Variants in MYT1L observed in about 807,000 individuals in gnomAD.
MYT1L encodes the protein myelin transcription factor 1 like, also known as myelin transcription factor 1-like protein.
In MYT1L, 12 loss-of-function variants were observed where a neutral mutation model predicts 126.7. That is an observed-to-expected ratio of 0.09 (90% CI 0.06 to 0.15). The LOEUF (loss-of-function observed/expected upper bound fraction) is 0.15, where lower values mean the gene tolerates loss of function less well. Ranked by LOEUF, MYT1L falls within the 10% of genes least tolerant of loss-of-function variation. MYT1L has a pLI of 1.00. For synonymous variants in MYT1L, 541 were observed against 604.2 expected, an observed-to-expected ratio of 0.90 and a Z score of 1.53; for missense variants, 979 against 1,585.2, an observed-to-expected ratio of 0.62 and a Z score of 6.49.
At chr2:2,197,748 CAT>C (rs1249488404) in intron 2 of MYT1L, among the ~76,000 whole-genome samples, 1 of 144,924 alleles carries the variant, frequency 6.9e-6, no homozygotes, top group Non-Finnish European at 1.5e-5. Context: ...TATATACACA[CAT>C]GCACACACAC....
At position 1,848,430 on chromosome 2, in the gene MYT1L, T is replaced by C. The variant is rs1030280511; in HGVS notation, c.2774+3211A>G. On this transcript the variant is annotated intron_variant, in intron 19 of 24. Coordinates refer to ENST00000647738, the MANE Select transcript of MYT1L (RefSeq NM_001303052.2). This position sits in a 1 kb window ranked among gnomAD's most constrained non-coding sequence, Gnocchi z 4.8. ...ATCTGTGCTCTGAACAGGTTCAGGA[T>C]CATTGTTTGGTGACTTCCCCTCTCA... Among the ~76,000 whole-genome samples the C allele has an allele frequency of 3.3e-5, 5 of 152,070 alleles. No homozygotes were observed. The highest frequency in any genetic ancestry group is 7.3e-5 in the Non-Finnish European group (5 of 68,030).
intron 1 of MYT1L, among the ~76,000 whole-genome samples, chr2:2,327,919 C>T (rs1014709447): frequency 2.6e-5 from 4 of 152,044 alleles, no homozygotes; most frequent in African/African-American, 9.7e-5. Flanking sequence ...CAAAGTCTTT[C>T]AGATTGTATA....
intron 18 of MYT1L, among the ~76,000 whole-genome samples, chr2:1,859,925 G>C (rs1425803833): frequency 6.6e-6 from 1 of 152,224 alleles, no homozygotes; most frequent in African/African-American, 2.4e-5. Context: ...TTGTTTTCTG[G>C]GGATTCTCTC....
chr2:1,969,429 A>G (rs1246283671), intron 8 of MYT1L, among the ~76,000 whole-genome samples: 4 of 152,212 alleles, frequency 2.6e-5, no homozygotes, highest in African/African-American at 9.6e-5. Flanking sequence ...GTTGGCCACG[A>G]TTCTCAAACT....
intron 3 of MYT1L, among the ~76,000 whole-genome samples, chr2:2,159,538 C>T (rs1013120276): frequency 8.6e-5 from 13 of 152,026 alleles, no homozygotes; most frequent in African/African-American, 2.9e-4. Context: ...CTGCTGAGCG[C>T]GGGCTGTGTT....
chr2:1,936,956 G>T (rs531879606), intron 9 of MYT1L, among the ~76,000 whole-genome samples: 1 of 152,152 alleles, frequency 6.6e-6, no homozygotes, highest in Non-Finnish European at 1.5e-5. Context: ...CATGAGAAAA[G>T]AAATGTTTCT....
Position 1,922,763 on chromosome 2 carries a change from C to G in MYT1L, c.1006G>C (p.Asp336His), listed in dbSNP as rs951762938. ...GTCTCACTGAGCTTCCTGGCCAGGT[C>G]GAAGCACTGATTCCTCAAACACTCC... is the stretch of plus-strand genomic sequence containing the variant. The part of the protein sequence containing the change: ...SLECLRNQCF[D>H]LARKLSETNP... The change falls in exon 10 of 25, where the codon GAC becomes CAC. Residue 336 changes from aspartate (D) to histidine (H), a missense_variant. Physicochemically the swap from Asp to His is moderately conservative, Grantham distance 81 (BLOSUM62 -1). Transcript: ENST00000647738. The surrounding 1 kb of genome is among the most constrained non-coding windows in gnomAD (Gnocchi z 7.4). 2 of 1,613,926 alleles carry G rather than the reference C, an allele frequency of 1.2e-6. No individual in the cohort carries two copies. The highest frequency in any genetic ancestry group is 1.7e-6 in the Non-Finnish European group (2 of 1,179,888).
intron 21 of MYT1L, among the ~76,000 whole-genome samples, chr2:1,824,235 C>G (rs2038983634): frequency 6.6e-6 from 1 of 152,206 alleles, no homozygotes; most frequent in Non-Finnish European, 1.5e-5. Flanking sequence ...TGACCCCAAC[C>G]AATTCTTCCA....
chr2:1,866,579 GAGGC>G (rs2045519165), intron 18 of MYT1L, among the ~76,000 whole-genome samples: 4 of 133,284 alleles, frequency 3.0e-5, no homozygotes, highest in African/African-American at 5.8e-5. Context: ...GAGAGAGAGA[GAGGC>G]AGGCAGAGAG....
intron 8 of MYT1L, among the ~76,000 whole-genome samples, chr2:1,949,134 C>G (rs2057502131): frequency 1.3e-5 from 2 of 152,118 alleles, no homozygotes; most frequent in South Asian, 4.1e-4. Context: ...ATTCTCAATG[C>G]AGAAGCAAGG....
chr2:1,876,637 C>T (rs2046952171), intron 18 of MYT1L, among the ~76,000 whole-genome samples: 1 of 152,162 alleles, frequency 6.6e-6, no homozygotes, highest in African/African-American at 2.4e-5. Context: ...TGCGTGCCGC[C>T]ATTGAAACCT....
intron 18 of MYT1L, among the ~76,000 whole-genome samples, chr2:1,854,388 C>G (rs928916144): frequency 6.6e-6 from 1 of 152,076 alleles, no homozygotes; most frequent in African/African-American, 2.4e-5. Context: ...GGGCTCTACC[C>G]AAGTCCGCTA....
At chr2:1,862,724 G>T (rs1415895064) in intron 18 of MYT1L, among the ~76,000 whole-genome samples, 2 of 152,194 alleles carry the variant, frequency 1.3e-5, no homozygotes, top group African/African-American at 4.8e-5. Flanking sequence ...GCCAAAGAGG[G>T]CAGAGAGAGA....
chr2:2,310,573 C>T (rs1480302843), intron 1 of MYT1L, among the ~76,000 whole-genome samples: 2 of 152,196 alleles, frequency 1.3e-5, no homozygotes, highest in South Asian at 2.1e-4. Context: ...AGCTTTTGTA[C>T]TATAATTAGC....
At chr2:2,004,215 T>C (rs1331235997) in intron 4 of MYT1L, among the ~76,000 whole-genome samples, 1 of 139,738 alleles carries the variant, frequency 7.2e-6, no homozygotes, top group Non-Finnish European at 1.6e-5. Flanking sequence ...GAATGTGTTC[T>C]TTCCTGCAGG....
intron 3 of MYT1L, among the ~76,000 whole-genome samples, chr2:2,143,910 C>T (rs183920334): frequency 1.5e-3 from 219 of 150,596 alleles, no homozygotes; most frequent in Non-Finnish European, 2.0e-3. Context: ...GAATGAAACA[C>T]CGGATACTCG....
At chr2:2,053,797 T>C (rs1322615109) in intron 4 of MYT1L, among the ~76,000 whole-genome samples, 181 bp downstream of exon 4, 2 of 152,250 alleles carry the variant, frequency 1.3e-5, no homozygotes, top group Admixed American at 6.5e-5. Context: ...TTACACATTC[T>C]GACTTTATAT....
intron 18 of MYT1L, among the ~76,000 whole-genome samples, chr2:1,859,300 C>CT (rs1176232957): frequency 6.6e-6 from 1 of 152,164 alleles, no homozygotes; most frequent in Non-Finnish European, 1.5e-5. Context: ...ACCTTTCTTT[C>CT]TTTTGGTTCC....
At chr2:2,172,352 C>G (rs1015908722) in intron 3 of MYT1L, among the ~76,000 whole-genome samples, 1 of 152,124 alleles carries the variant, frequency 6.6e-6, no homozygotes, top group Non-Finnish European at 1.5e-5. Flanking sequence ...ACTGGCCACC[C>G]CGAGGCATCC....
Sources: gnomAD v4.1 joint callset for allele counts (sites outside exome capture counted in the v4.1 genomes callset) on GRCh38, gnomAD v4.1.1 for gene constraint, Gnocchi (gnomAD v3.1) non-coding constraint, MANE v1.5 for transcripts, NCBI Gene and HGNC (gene_info 2026-07-23, HGNC 2026-07-21) for gene names.